Variants in SOBP observed in about 807,000 individuals in gnomAD.
The protein encoded by SOBP is sine oculis binding protein homolog, also known as sine oculis-binding protein homolog.
In SOBP, 4 loss-of-function variants were observed where a neutral mutation model predicts 53.6. The observed-to-expected ratio is 0.07, with a 90% CI of 0.04 to 0.17. SOBP has a LOEUF of 0.17. Ranked by LOEUF, SOBP falls within the 10% of genes least tolerant of loss-of-function variation. The pLI is 1.00. For missense variants in SOBP, 1,088 were observed against 1,204.7 expected (o/e 0.90, Z 1.43); for synonymous variants, 584 against 522.6 (o/e 1.12, Z -1.60).
chr6:107,521,909 A>AACACACACACACAC (rs34004579), intron 3 of SOBP, among the ~76,000 whole-genome samples: 35 of 139,368 alleles, frequency 2.5e-4, no homozygotes, highest in African/African-American at 5.2e-4. Flanking sequence ...CAGACATTAA[A>AACACACACACACAC]ACACACACAC....
intron 6 of SOBP, among the ~76,000 whole-genome samples, chr6:107,641,371 A>G (rs1771311485): frequency 6.6e-6 from 1 of 152,226 alleles, no homozygotes; most frequent in Non-Finnish European, 1.5e-5. Context: ...AGAAGCAAGA[A>G]AAGAAATAAG....
At chr6:107,624,420 C>T (rs985239001) in intron 5 of SOBP, among the ~76,000 whole-genome samples, 7 of 152,092 alleles carry the variant, frequency 4.6e-5, no homozygotes, top group African/African-American at 1.7e-4. Flanking sequence ...GAACTGGGGA[C>T]GTTTAAAAAT....
intron 4 of SOBP, among the ~76,000 whole-genome samples, chr6:107,537,686 T>G (rs1784038381): frequency 6.6e-6 from 1 of 152,102 alleles, no homozygotes; most frequent in African/African-American, 2.4e-5. Flanking sequence ...CTGGCTGTGA[T>G]GGTGCTCACC....
chr6:107,633,448 G>A (rs1770806838), intron 5 of SOBP, 66 bp from the exon 6 acceptor site: 4 of 1,601,074 alleles, frequency 2.5e-6, no homozygotes, highest in Admixed American at 1.7e-5. Context: ...TGTGAAACAC[G>A]AAACGTCATC....
chr6:107,588,322 CT>C (rs1785630825), intron 5 of SOBP, among the ~76,000 whole-genome samples: 1 of 152,194 alleles, frequency 6.6e-6, no homozygotes, highest in Admixed American at 6.5e-5. Flanking sequence ...CCTTTTCCCC[CT>C]CCACAGTCTG....
chr6:107,518,397 G>A (rs894562418), intron 3 of SOBP, among the ~76,000 whole-genome samples: 2 of 152,150 alleles, frequency 1.3e-5, no homozygotes, highest in African/African-American at 4.8e-5. Context: ...TGGTGAGAGT[G>A]TAAATACATG....
intron 5 of SOBP, among the ~76,000 whole-genome samples, chr6:107,594,099 C>G (rs781384660): frequency 1.3e-5 from 2 of 152,122 alleles, no homozygotes; most frequent in Non-Finnish European, 2.9e-5. Flanking sequence ...TGTTCAGATT[C>G]AGAAATCCCC....
At chr6:107,520,473 A>G (rs1008797653) in intron 3 of SOBP, among the ~76,000 whole-genome samples, 1 of 152,208 alleles carries the variant, frequency 6.6e-6, no homozygotes, top group Non-Finnish European at 1.5e-5. Context: ...TGGGGACACA[A>G]TCTGATCATG....
chr6:107,553,530 C>T (rs945237311), intron 4 of SOBP, among the ~76,000 whole-genome samples: 16 of 151,076 alleles, frequency 1.1e-4, no homozygotes, highest in African/African-American at 3.4e-4. Context: ...CTCCCTCTGT[C>T]GCCCAGGCTG....
chr6:107,529,529 A>C, intron 3 of SOBP: 2 of 985,404 alleles, frequency 2.0e-6, no homozygotes, highest in Non-Finnish European at 2.4e-6. Flanking sequence ...ACTCCCATGA[A>C]AGTTACAAAG....
At chr6:107,610,812 A>G (rs895285993) in intron 5 of SOBP, among the ~76,000 whole-genome samples, 1 of 152,126 alleles carries the variant, frequency 6.6e-6, no homozygotes, top group Non-Finnish European at 1.5e-5. Flanking sequence ...ACACACACAC[A>G]CACACACACA....
intron 5 of SOBP, among the ~76,000 whole-genome samples, chr6:107,606,213 A>G (rs1786373178): frequency 6.6e-6 from 1 of 151,384 alleles, no homozygotes; most frequent in Non-Finnish European, 1.5e-5. Flanking sequence ...AGTAGCTGGG[A>G]TTACAGGCAC....
chr6:107,644,531 G>A (rs1771473584), intron 6 of SOBP, among the ~76,000 whole-genome samples: 1 of 152,130 alleles, frequency 6.6e-6, no homozygotes, highest in Non-Finnish European at 1.5e-5. Context: ...AAAGAGGAGG[G>A]GGAAACCCTT....
At position 107,584,918 on chromosome 6, in the gene SOBP, T is replaced by C. The variant is rs540148336; in HGVS notation, c.574-2162T>C. The stretch of plus-strand genomic sequence containing the variant: ...GGCATCTGGTGTGTATGAATGTGTA[T>C]ACATAGTATATGCATAATAAACACA... On this transcript the variant is annotated intron_variant, in intron 4 of 6. Transcript: ENST00000317357. Among the ~76,000 whole-genome samples, 5 of 152,284 alleles carry C rather than the reference T, an allele frequency of 3.3e-5. No individual in the cohort carries two copies. In the South Asian group the frequency reaches 8.3e-4, roughly 25 times the overall value.
At chr6:107,611,778 G>A (rs1172610441) in intron 5 of SOBP, among the ~76,000 whole-genome samples, 1 of 152,174 alleles carries the variant, frequency 6.6e-6, no homozygotes, top group Non-Finnish European at 1.5e-5. Flanking sequence ...GCATGTACGT[G>A]TAGAAATACA....
chr6:107,543,732 C>T (rs150153192), intron 4 of SOBP, among the ~76,000 whole-genome samples: 32 of 152,288 alleles, frequency 2.1e-4, no homozygotes, highest in Middle Eastern at 3.4e-3. Flanking sequence ...CCTGTCTACC[C>T]TTGACATGTG....
rs567986039 is a variant in SOBP, at chr6:107,588,476, G to A, written c.669+1301G>A. ...TTATCTTAGGACTCTTAAACTTCCA[G>A]GACTGCTAGCATTACCTATTCTGAG... On this transcript the variant is annotated intron_variant, in intron 5 of 6. Transcript: ENST00000317357. Among the ~76,000 whole-genome samples the A allele has an allele frequency of 1.4e-3, 214 of 152,178 alleles. 2 individuals carry two copies. The highest frequency in any genetic ancestry group is 2.2e-3 in the Admixed American group (33 of 15,290).
intron 2 of SOBP, among the ~76,000 whole-genome samples, chr6:107,504,443 A>G (rs574384523): frequency 1.3e-5 from 2 of 152,322 alleles, no homozygotes; most frequent in Admixed American, 1.3e-4. Context: ...CACTGATTCT[A>G]CCAGTGGGTA....
chr6:107,586,879 A>G (rs901804239), intron 4 of SOBP, among the ~76,000 whole-genome samples: 10 of 152,222 alleles, frequency 6.6e-5, no homozygotes, highest in Admixed American at 5.9e-4. Flanking sequence ...ATGAATTTGC[A>G]TGTTCAAACT....
Sources: allele counts gnomAD v4.1 joint callset (sites outside exome capture counted in the v4.1 genomes callset), GRCh38; gene constraint gnomAD v4.1.1; transcripts MANE v1.5; gene names NCBI Gene and HGNC (gene_info 2026-07-23, HGNC 2026-07-21).